SLIT2: variants seen among roughly 807,000 people sequenced by gnomAD.
SLIT2 encodes slit guidance ligand 2.
In SLIT2, 41 loss-of-function variants were observed where a neutral mutation model predicts 185.7. The ratio of observed to expected loss-of-function variants is 0.22; its 90% confidence interval spans 0.17 to 0.29. SLIT2 has a LOEUF of 0.29. Ranked by LOEUF, SLIT2 falls within the 10% of genes least tolerant of loss-of-function variation. The pLI is 1.00. For missense variants in SLIT2, 1,571 were observed against 1,909.0 expected (o/e 0.82, Z 3.30); for synonymous variants, 693 against 680.2 (o/e 1.02, Z -0.29).
intron 15 of SLIT2, among the ~76,000 whole-genome samples, chr4:20,525,650 TA>T (rs1400923998): frequency 1.3e-5 from 2 of 152,132 alleles, no homozygotes; most frequent in Non-Finnish European, 2.9e-5. Context: ...TTCTTATATT[TA>T]AAAACTGTAC....
At chr4:20,458,088 C>CAAAA (rs10672353) in intron 4 of SLIT2, among the ~76,000 whole-genome samples, 1,769 of 112,760 alleles carry the variant, frequency 0.016, 28 homozygotes, top group African/African-American at 0.041. Context: ...ACACATTATG[C>CAAAA]AAAAAAAAAA....
At chr4:20,394,204 A>G (rs912591147) in intron 4 of SLIT2, among the ~76,000 whole-genome samples, 14 of 152,134 alleles carry the variant, frequency 9.2e-5, no homozygotes, top group African/African-American at 3.1e-4. Flanking sequence ...TGAAAAAAAA[A>G]CATGAAAAAG....
intron 4 of SLIT2, among the ~76,000 whole-genome samples, chr4:20,387,550 C>T (rs535012916): frequency 3.9e-5 from 6 of 152,120 alleles, no homozygotes; most frequent in Non-Finnish European, 8.8e-5. Context: ...GAAAACTCCA[C>T]TGTGTGTTAA....
At chr4:20,313,583 A>C (rs1157811916) in intron 4 of SLIT2, among the ~76,000 whole-genome samples, 1 of 151,936 alleles carries the variant, frequency 6.6e-6, no homozygotes, top group East Asian at 1.9e-4. Context: ...TTTCTTTTTT[A>C]GTATATCCAC....
chr4:20,532,901 C>T (rs1350448717), intron 17 of SLIT2, among the ~76,000 whole-genome samples: 4 of 152,178 alleles, frequency 2.6e-5, no homozygotes, highest in Admixed American at 2.0e-4. Flanking sequence ...GTGCAATTCT[C>T]TCAGAGAAAT....
intron 4 of SLIT2, among the ~76,000 whole-genome samples, chr4:20,283,889 C>G (rs1157852261): frequency 1.3e-5 from 2 of 152,100 alleles, no homozygotes; most frequent in East Asian, 3.9e-4. Flanking sequence ...AGCAGAATAC[C>G]CAAACCCTCC....
At chr4:20,394,649 A>G (rs1441021227) in intron 4 of SLIT2, 2 of 152,048 alleles carry the variant, frequency 1.3e-5, no homozygotes, top group South Asian at 4.1e-4. Flanking sequence ...GGATTGAATC[A>G]ATTGGAAGCC....
chr4:20,431,971 TTG>T (rs142488449), intron 4 of SLIT2, among the ~76,000 whole-genome samples: 2,231 of 151,098 alleles, frequency 0.015, 62 homozygotes, highest in African/African-American at 0.052. Flanking sequence ...CTGTGTGTGT[TTG>T]TGTGTGTGTG....
At chr4:20,486,422 G>A (rs1451385906) in intron 7 of SLIT2, 151 bp downstream of exon 7, 1 of 563,516 alleles carries the variant, frequency 1.8e-6, no homozygotes, top group Non-Finnish European at 3.2e-6. Flanking sequence ...ATATTTGTGG[G>A]AATGAGCTAT....
At chr4:20,329,295 A>C (rs1719869001) in intron 4 of SLIT2, among the ~76,000 whole-genome samples, 1 of 151,964 alleles carries the variant, frequency 6.6e-6, no homozygotes, top group South Asian at 2.1e-4. Context: ...TAAACATTAT[A>C]ACTTAATTAT....
At chr4:20,396,909 T>C (rs1340635873) in intron 4 of SLIT2, among the ~76,000 whole-genome samples, 1 of 149,702 alleles carries the variant, frequency 6.7e-6, no homozygotes, top group Non-Finnish European at 1.5e-5. Flanking sequence ...ATATTTATAT[T>C]TGTAAATTTA....
chr4:20,376,115 C>CTTTT (rs71653881), intron 4 of SLIT2, among the ~76,000 whole-genome samples: 1 of 79,654 alleles, frequency 1.3e-5, no homozygotes, highest in Non-Finnish European at 2.3e-5. Flanking sequence ...CATTGTTTAA[C>CTTTT]TTTTTTTTTT....
At chr4:20,401,482 G>A (rs13139138) in intron 4 of SLIT2, among the ~76,000 whole-genome samples, 1 of 151,690 alleles carries the variant, frequency 6.6e-6, no homozygotes, top group African/African-American at 2.4e-5. Context: ...GAGAGACAAA[G>A]CTTGTGAAGA....
intron 34 of SLIT2, among the ~76,000 whole-genome samples, chr4:20,611,324 A>G (rs1338444031): frequency 6.6e-6 from 1 of 152,216 alleles, no homozygotes; most frequent in Non-Finnish European, 1.5e-5. Context: ...ACATTTTGAC[A>G]GAGTTGGATT....
intron 11 of SLIT2, among the ~76,000 whole-genome samples, chr4:20,517,088 T>C (rs1383362421): frequency 1.3e-5 from 2 of 152,216 alleles, no homozygotes; most frequent in Non-Finnish European, 2.9e-5. Context: ...TGTCCACCCC[T>C]TGATACTCAT....
chr4:20,414,435 A>T (rs774029011), intron 4 of SLIT2, among the ~76,000 whole-genome samples: 1 of 152,166 alleles, frequency 6.6e-6, no homozygotes, highest in Admixed American at 6.5e-5. Context: ...ATATTTACCT[A>T]TACAGTTACC....
At chr4:20,325,373 T>G in intron 4 of SLIT2, among the ~76,000 whole-genome samples, 1 of 113,318 alleles carries the variant, frequency 8.8e-6, no homozygotes, top group African/African-American at 3.5e-5. Context: ...TAGTAGTAAA[T>G]GCAAACTCAC....
intron 4 of SLIT2, among the ~76,000 whole-genome samples, chr4:20,317,040 T>TAA (rs35721562): frequency 4.1e-5 from 6 of 146,156 alleles, no homozygotes; most frequent in South Asian, 2.2e-4. Context: ...TTTGAAAGAT[T>TAA]AAAAAAAAAA....
intron 29 of SLIT2, among the ~76,000 whole-genome samples, chr4:20,574,977 C>A (rs1725970505): frequency 6.6e-6 from 1 of 152,066 alleles, no homozygotes; most frequent in Non-Finnish European, 1.5e-5. Flanking sequence ...ATAACATGTG[C>A]TATTCTCTGT....
Sources: gnomAD v4.1 joint callset for allele counts (sites outside exome capture counted in the v4.1 genomes callset) on GRCh38, gnomAD v4.1.1 for gene constraint, MANE v1.5 for transcripts, NCBI Gene and HGNC (gene_info 2026-07-23, HGNC 2026-07-21) for gene names.